The following ZNF804A variants were observed in gnomAD, a reference collection of about 807,000 sequenced individuals.
ZNF804A encodes zinc finger protein 804A.
Under a neutral mutation model 16.5 loss-of-function variants are expected in ZNF804A, and 2 were observed. That is an observed-to-expected ratio of 0.12 (90% CI 0.05 to 0.38). The LOEUF is 0.38. ZNF804A is among the 10% of genes least tolerant of loss of function. The pLI, the probability that ZNF804A is intolerant of heterozygous loss-of-function variation, is 0.99. For missense variants in ZNF804A, 1,473 were observed against 1,390.7 expected (o/e 1.06, Z -0.94); for synonymous variants, 534 against 489.6 (o/e 1.09, Z -1.20).
intron 1 of ZNF804A, among the ~76,000 whole-genome samples, chr2:184,603,393 T>A (rs1691081326): frequency 6.6e-6 from 1 of 152,238 alleles, no homozygotes; most frequent in Non-Finnish European, 1.5e-5. Flanking sequence ...CTGAAAAAAT[T>A]CTGTGTTATT....
At chr2:184,647,710 T>G (rs1417605942) in intron 1 of ZNF804A, among the ~76,000 whole-genome samples, 1 of 152,120 alleles carries the variant, frequency 6.6e-6, no homozygotes, top group South Asian at 2.1e-4. Flanking sequence ...TTAAAAAGAA[T>G]AAATTCTTCA....
At chr2:184,643,809 A>G (rs72897790) in intron 1 of ZNF804A, among the ~76,000 whole-genome samples, 16,519 of 151,340 alleles carry the variant, frequency 0.11, 1,167 homozygotes, top group Non-Finnish European at 0.16. Context: ...TTTATATAAT[A>G]TAAAGTATAA....
chr2:184,619,856 A>G (rs1281803005), intron 1 of ZNF804A, among the ~76,000 whole-genome samples: 2 of 151,938 alleles, frequency 1.3e-5, no homozygotes, highest in Admixed American at 6.6e-5. Flanking sequence ...AGTTAATTAT[A>G]TAATTCAAAC....
At chr2:184,926,890 A>T (rs1685621033) in intron 2 of ZNF804A, among the ~76,000 whole-genome samples, 1 of 152,304 alleles carries the variant, frequency 6.6e-6, no homozygotes, top group African/African-American at 2.4e-5. Flanking sequence ...TTTAGCTTGT[A>T]GAATTCTGAA....
chr2:184,838,744 A>T (rs1421208170), intron 1 of ZNF804A, among the ~76,000 whole-genome samples: 1 of 152,158 alleles, frequency 6.6e-6, no homozygotes, highest in Non-Finnish European at 1.5e-5. Flanking sequence ...TAGCCATAAC[A>T]GAAAAGGGAC....
At chr2:184,678,423 C>G (rs1027540105) in intron 1 of ZNF804A, among the ~76,000 whole-genome samples, 4 of 152,078 alleles carry the variant, frequency 2.6e-5, no homozygotes, top group Non-Finnish European at 5.9e-5. Flanking sequence ...CTATTTCCTA[C>G]TATCCACTTT....
intron 1 of ZNF804A, among the ~76,000 whole-genome samples, chr2:184,705,884 A>G (rs1693022344): frequency 6.6e-6 from 1 of 152,136 alleles, no homozygotes; most frequent in Non-Finnish European, 1.5e-5. Context: ...GACACCTGAC[A>G]TTACCTCTAC....
intron 1 of ZNF804A, among the ~76,000 whole-genome samples, chr2:184,809,165 T>C (rs1367210738): frequency 6.6e-6 from 1 of 151,922 alleles, no homozygotes; most frequent in Non-Finnish European, 1.5e-5. Flanking sequence ...TGGATATAAT[T>C]TTATAAAAAC....
chr2:184,860,511 G>A (rs1353922420), intron 1 of ZNF804A, among the ~76,000 whole-genome samples: 1 of 152,192 alleles, frequency 6.6e-6, no homozygotes, highest in Non-Finnish European at 1.5e-5. Context: ...GCAGGGGCCA[G>A]TGTGGCATTG....
chr2:184,618,557 A>G (rs1019994195), intron 1 of ZNF804A, among the ~76,000 whole-genome samples: 6 of 152,112 alleles, frequency 3.9e-5, no homozygotes, highest in African/African-American at 4.8e-5. Context: ...AGGGCCTACC[A>G]TGGAACGTTA....
rs115931008 is a variant in ZNF804A at position 184,803,722 on chromosome 2, A to G, written c.112-62647A>G. Among the ~76,000 whole-genome samples, 501 of 152,332 alleles carry G rather than the reference A, an allele frequency of 3.3e-3. 4 individuals are homozygous for G. The highest frequency in any genetic ancestry group is 0.012 in the African/African-American group (479 of 41,566). On this transcript the variant is annotated intron_variant, in intron 1 of 3. Coordinates refer to ENST00000302277, the MANE Select transcript of ZNF804A (RefSeq NM_194250.2). ...ATTCCTCATACTTCAACAAAGGTCT[A>G]GGGAAGAATATTTTCTTACCTCTTC...
chr2:184,659,307 C>T (rs1692129194), intron 1 of ZNF804A, among the ~76,000 whole-genome samples: 1 of 152,024 alleles, frequency 6.6e-6, no homozygotes, highest in Non-Finnish European at 1.5e-5. Flanking sequence ...ATAGTCTGGC[C>T]ACTATTCATT....
intron 1 of ZNF804A, among the ~76,000 whole-genome samples, chr2:184,824,255 T>C (rs1695127535): frequency 1.3e-5 from 2 of 152,186 alleles, no homozygotes; most frequent in African/African-American, 4.8e-5. Context: ...TTTACATTTC[T>C]GAAAGCCTCC....
chr2:184,809,685 T>C (rs1270347206), intron 1 of ZNF804A, among the ~76,000 whole-genome samples: 1 of 151,874 alleles, frequency 6.6e-6, no homozygotes, highest in African/African-American at 2.4e-5. Flanking sequence ...AGTGTTGGCT[T>C]TTTAAGGTGG....
intron 2 of ZNF804A, among the ~76,000 whole-genome samples, chr2:184,908,000 C>T (rs1685302908): frequency 6.6e-6 from 1 of 152,062 alleles, no homozygotes; most frequent in Non-Finnish European, 1.5e-5. Flanking sequence ...GCATCTGATA[C>T]TGCCCGGTTG....
At chr2:184,743,949 G>A (rs1414849951) in intron 1 of ZNF804A, among the ~76,000 whole-genome samples, 2 of 151,880 alleles carry the variant, frequency 1.3e-5, no homozygotes, top group African/African-American at 2.4e-5. Context: ...AATCCTGTAA[G>A]TAATGTGTGG....
At position 184,864,875 on chromosome 2, in the gene ZNF804A, A is replaced by ATTTTTTTTTTTTTTTTTTTTTTTTTTTT. The variant is rs34114485; in HGVS notation, c.112-1471_112-1470insTTTTTTTTTTTTTTTTTTTTTTTTTTTT. Among the ~76,000 whole-genome samples the ATTTTTTTTTTTTTTTTTTTTTTTTTTTT allele has an allele frequency of 1.9e-5, 2 of 105,482 alleles. 1 individual carries two copies. Among genetic ancestry groups the ATTTTTTTTTTTTTTTTTTTTTTTTTTTT allele is most frequent in the African/African-American group, 9.0e-5 (2 of 22,120 alleles). 69.2% of individuals were successfully genotyped at this position (105,482 alleles called of 152,430 possible). ...TAAGAGACTTGAATATATAGTTAGG[A>ATTTTTTTTTTTTTTTTTTTTTTTTTTTT]TTTTTTTTTTTTTTTTTTTTTTTGA... On this transcript the variant is annotated intron_variant, in intron 1 of 3. Coordinates refer to ENST00000302277, the MANE Select transcript of ZNF804A (RefSeq NM_194250.2).
chr2:184,677,601 T>C (rs1692459864), intron 1 of ZNF804A, among the ~76,000 whole-genome samples: 1 of 151,974 alleles, frequency 6.6e-6, no homozygotes, highest in Admixed American at 6.6e-5. Context: ...ATTTATAACA[T>C]CAAGGTATTA....
chr2:184,736,531 C>T (rs1052188996), intron 1 of ZNF804A, among the ~76,000 whole-genome samples: 8 of 151,890 alleles, frequency 5.3e-5, no homozygotes, highest in Admixed American at 2.0e-4. Context: ...GGGAGTTCAA[C>T]GATGGGAACA....
Sources: gnomAD v4.1 joint callset for allele counts (sites outside exome capture counted in the v4.1 genomes callset) on GRCh38, gnomAD v4.1.1 for gene constraint, MANE v1.5 for transcripts, NCBI Gene and HGNC (gene_info 2026-07-23, HGNC 2026-07-21) for gene names.